The following NCAM2 variants were observed in gnomAD, a reference collection of about 807,000 sequenced individuals.
NCAM2 encodes N-CAM-2.
NCAM2 carries 30 observed loss-of-function variants against 98.1 expected under a neutral mutation model. The observed-to-expected ratio is 0.31, with a 90% confidence interval of 0.23 to 0.41. The LOEUF (loss-of-function observed/expected upper bound fraction) is 0.41. NCAM2 is among the 10% of genes least tolerant of loss of function. The pLI is 1.00. For missense variants in NCAM2, 867 were observed against 1,005.8 expected, an observed-to-expected ratio of 0.86 and a Z score of 1.87; for synonymous variants, 368 against 342.4, an observed-to-expected ratio of 1.07 and a Z score of -0.83.
At position 21,520,245 on chromosome 21, in the gene NCAM2, A is replaced by G. The variant is rs141742650; in HGVS notation, c.2282+11190A>G. ...CAGACTCATTCCTTTCTATCAGGAA[A>G]CTTTTATTCTGGCAGGAACCACATT... On this transcript the variant is annotated intron_variant, in intron 16 of 17. Transcript: ENST00000400546. 3.1e-3 allele frequency among the ~76,000 whole-genome samples: 467 copies of G among 152,264 alleles called. 4 individuals carry two copies. The highest frequency in any genetic ancestry group is 0.011 in the African/African-American group (451 of 41,560).
rs186003567 is a variant in NCAM2 at position 21,540,617 on chromosome 21, T to C, written c.*2660T>C. On this transcript the variant is annotated 3_prime_UTR_variant, in exon 18 of 18. Transcript: ENST00000400546. ...TCTTATTCTAGATTAAACAAACATA[T>C]ACATATAACCATATAAATGTTATTT... is the stretch of plus-strand genomic sequence containing the variant. 1 of 152,192 alleles carries C rather than the reference T, an allele frequency of 6.6e-6. No homozygotes were observed. The highest frequency in any genetic ancestry group is 1.5e-5 in the Non-Finnish European group (1 of 67,972). The allele number at this position is 152,192 out of a possible 1,614,324, so 9.4% of individuals were successfully genotyped here. A position where few individuals can be genotyped will look rare whatever the true frequency, so the allele number is the denominator to read the frequency against.
intron 10 of NCAM2, among the ~76,000 whole-genome samples, chr21:21,412,809 CAAT>C (rs2076914300): frequency 1.3e-5 from 2 of 151,848 alleles, no homozygotes; most frequent in African/African-American, 4.8e-5. Context: ...AACAAAATAA[CAAT>C]AATATAAAGA....
chr21:21,331,720 C>T (rs1263078846), intron 6 of NCAM2, among the ~76,000 whole-genome samples: 1 of 141,456 alleles, frequency 7.1e-6, no homozygotes, highest in Non-Finnish European at 1.5e-5. Context: ...CTTCGAGTAC[C>T]TGGGAACACA....
chr21:21,032,133 T>A (rs1289965316), intron 1 of NCAM2, among the ~76,000 whole-genome samples: 2 of 152,182 alleles, frequency 1.3e-5, no homozygotes, highest in Admixed American at 1.3e-4. Flanking sequence ...TTCTTGAGCC[T>A]TTTTAATTAG....
At chr21:21,191,309 A>G (rs535160605) in intron 1 of NCAM2, among the ~76,000 whole-genome samples, 1 of 152,312 alleles carries the variant, frequency 6.6e-6, no homozygotes, top group Admixed American at 6.5e-5. Flanking sequence ...TTCTGATTAT[A>G]GGCTATAAGA....
chr21:21,305,566 G>T (rs1822658), intron 5 of NCAM2, among the ~76,000 whole-genome samples: 1 of 150,990 alleles, frequency 6.6e-6, no homozygotes. Flanking sequence ...TTTAAAATCA[G>T]GTTGAGAAAC....
At chr21:21,509,967 T>C (rs1988256718) in intron 16 of NCAM2, among the ~76,000 whole-genome samples, 1 of 152,176 alleles carries the variant, frequency 6.6e-6, no homozygotes, top group Non-Finnish European at 1.5e-5. Flanking sequence ...ATTTTTAACC[T>C]TAAGTCCTTT....
Position 21,529,453 on chromosome 21 carries a change from G to C in NCAM2, c.2283-5084G>C, listed in dbSNP as rs1989504564. Among the ~76,000 whole-genome samples the C allele has an allele frequency of 2.0e-5, 3 of 151,938 alleles. No individual in the cohort carries two copies. The South Asian group carries it at 6.2e-4, about 31-fold the overall frequency. The stretch of plus-strand genomic sequence containing the variant: ...TGCAAGTAAGTTATTCTACATAGTA[G>C]AGTTAAACTTTCTATTAATTATGCA... On this transcript the variant is annotated intron_variant, in intron 16 of 17. Coordinates refer to ENST00000400546, the MANE Select transcript of NCAM2 (RefSeq NM_004540.5).
intron 1 of NCAM2, among the ~76,000 whole-genome samples, chr21:21,158,296 A>G (rs890116678): frequency 6.6e-6 from 1 of 152,134 alleles, no homozygotes; most frequent in Admixed American, 6.5e-5. Flanking sequence ...TATATGGACC[A>G]CATATACAAA....
At chr21:21,300,040 G>T (rs1158532899) in intron 5 of NCAM2, among the ~76,000 whole-genome samples, 2 of 151,816 alleles carry the variant, frequency 1.3e-5, no homozygotes, top group Admixed American at 1.3e-4. Context: ...TATTTTTATT[G>T]CTGTATTGGT....
intron 11 of NCAM2, among the ~76,000 whole-genome samples, chr21:21,422,105 G>A (rs1012431948): frequency 9.2e-5 from 14 of 152,154 alleles, no homozygotes; most frequent in Non-Finnish European, 1.3e-4. Flanking sequence ...CCAGTGTTGA[G>A]TGTTGGGATC....
At chr21:21,202,407 C>T (rs940138504) in intron 1 of NCAM2, among the ~76,000 whole-genome samples, 1 of 79,786 alleles carries the variant, frequency 1.3e-5, no homozygotes, top group Non-Finnish European at 2.7e-5. Context: ...AAGCAAATAT[C>T]CTTTTTTTTT....
intron 8 of NCAM2, among the ~76,000 whole-genome samples, chr21:21,366,482 AGTGCATTAGTCCACTT>A (rs946085152): frequency 1.3e-5 from 2 of 152,120 alleles, no homozygotes; most frequent in African/African-American, 4.8e-5. Flanking sequence ...GCACTAAATG[AGTGCATTAGTCCACTT>A]GTGCTGTCAT....
chr21:21,205,031 CATATAT>C (rs566062975), intron 1 of NCAM2, among the ~76,000 whole-genome samples: 2 of 150,802 alleles, frequency 1.3e-5, no homozygotes, highest in Non-Finnish European at 3.0e-5. Flanking sequence ...TGCAAAATAA[CATATAT>C]ATATATATGC....
intron 1 of NCAM2, among the ~76,000 whole-genome samples, chr21:21,104,948 A>C (rs1402433402): frequency 1.3e-5 from 2 of 152,082 alleles, no homozygotes; most frequent in African/African-American, 2.4e-5. Flanking sequence ...AAGGAGAAAA[A>C]CTGAAATCTC....
intron 1 of NCAM2, among the ~76,000 whole-genome samples, chr21:21,244,588 C>T (rs1273482201): frequency 6.6e-6 from 1 of 152,012 alleles, no homozygotes; most frequent in Non-Finnish European, 1.5e-5. Flanking sequence ...GTGGCTCATG[C>T]CTGTAATCCC....
intron 5 of NCAM2, among the ~76,000 whole-genome samples, chr21:21,310,575 G>C (rs1363472586): frequency 6.6e-6 from 1 of 152,054 alleles, no homozygotes; most frequent in Non-Finnish European, 1.5e-5. Context: ...CAGGAGGATG[G>C]GCTGTTTCAG....
chr21:21,128,517 G>A (rs2066873146), intron 1 of NCAM2, among the ~76,000 whole-genome samples: 1 of 152,048 alleles, frequency 6.6e-6, no homozygotes, highest in African/African-American at 2.4e-5. Flanking sequence ...TAATGAAAAA[G>A]AGCAAAAATC....
chr21:21,408,151 G>A (rs1328315846), intron 9 of NCAM2, among the ~76,000 whole-genome samples: 1 of 152,160 alleles, frequency 6.6e-6, no homozygotes, highest in Non-Finnish European at 1.5e-5. Flanking sequence ...ACCATGATGA[G>A]GGAAATCACA....
Sources: allele counts gnomAD v4.1 joint callset (sites outside exome capture counted in the v4.1 genomes callset), GRCh38; gene constraint gnomAD v4.1.1; transcripts MANE v1.5; gene names NCBI Gene and HGNC (gene_info 2026-07-23, HGNC 2026-07-21).